The following SLC25A13 variants were observed in gnomAD, a reference collection of about 807,000 sequenced individuals.
The protein encoded by SLC25A13 is solute carrier family 25 member 13, also known as electrogenic aspartate/glutamate antiporter SLC25A13, mitochondrial.
In SLC25A13, 70 loss-of-function variants were observed where a neutral mutation model predicts 85.5. The ratio of observed to expected loss-of-function variants is 0.82; its 90% CI spans 0.68 to 1.00. SLC25A13 has a LOEUF of 1.00. SLC25A13 is among the 50% of genes least tolerant of loss of function. The pLI, the probability that SLC25A13 is intolerant of heterozygous loss-of-function variation, is 0.00. For synonymous variants in SLC25A13, 259 were observed against 288.7 expected, an observed-to-expected ratio of 0.90 and a Z score of 1.04; for missense variants, 765 against 819.8, an observed-to-expected ratio of 0.93 and a Z score of 0.82.
chr7:96,300,489 T>A (rs1255407062), intron 1 of SLC25A13, among the ~76,000 whole-genome samples: 1 of 152,258 alleles, frequency 6.6e-6, no homozygotes, highest in Non-Finnish European at 1.5e-5. Context: ...CTATTTGTAT[T>A]ATTTATCCAA....
At chr7:96,208,577 C>G (rs1397967351) in intron 5 of SLC25A13, among the ~76,000 whole-genome samples, 1 of 151,118 alleles carries the variant, frequency 6.6e-6, no homozygotes, top group African/African-American at 2.4e-5. Flanking sequence ...GCGATCTCAG[C>G]TCACTGCAAG....
intron 5 of SLC25A13, among the ~76,000 whole-genome samples, chr7:96,198,034 A>T (rs1210633906): frequency 6.6e-6 from 1 of 152,226 alleles, no homozygotes; most frequent in Non-Finnish European, 1.5e-5. Context: ...ATACGTGTTC[A>T]ACCATAGGCT....
In SLC25A13 at chr7:96,242,036, TG is replaced by T. The variant is rs1331631579; in HGVS notation, c.213-7120del. Among the ~76,000 whole-genome samples the T allele has an allele frequency of 6.6e-5, 10 of 152,350 alleles. No homozygotes were observed. In the East Asian group the frequency reaches 1.9e-3, roughly 29 times the overall value. ...TGTTCTGTTCATACTTCAGGAAGTT[TG>T]GTTGTAGACAATGTACCATCAAAAT... On this transcript the variant is annotated intron_variant, in intron 3 of 17. Coordinates refer to ENST00000265631, the MANE Select transcript of SLC25A13 (RefSeq NM_014251.3).
intron 1 of SLC25A13, 115 bp from the exon 2 acceptor site, chr7:96,297,066 T>A: frequency 2.1e-6 from 2 of 942,542 alleles, no homozygotes; most frequent in Non-Finnish European, 3.4e-6. Flanking sequence ...TTTTTGTACT[T>A]AAATACCATG....
intron 1 of SLC25A13, among the ~76,000 whole-genome samples, chr7:96,298,732 C>A (rs530945229): frequency 3.3e-5 from 5 of 152,140 alleles, no homozygotes; most frequent in Non-Finnish European, 7.3e-5. Flanking sequence ...TGTGCCCAGC[C>A]ATGAATTTTT....
chr7:96,310,654 A>C (rs1174246466), intron 1 of SLC25A13, among the ~76,000 whole-genome samples: 1 of 152,244 alleles, frequency 6.6e-6, no homozygotes, highest in Non-Finnish European at 1.5e-5. Flanking sequence ...ATCAATTATT[A>C]CTTGCAGGTG....
intron 3 of SLC25A13, among the ~76,000 whole-genome samples, chr7:96,241,103 A>AAAGAAAGAAAGG (rs1491256244): frequency 7.8e-5 from 11 of 140,640 alleles, no homozygotes; most frequent in African/African-American, 2.6e-4. Flanking sequence ...AGAAAGAAAG[A>AAAGAAAGAAAGG]AAGGCACTTT....
At chr7:96,295,491 T>C (rs1306939974) in intron 2 of SLC25A13, among the ~76,000 whole-genome samples, 1 of 152,214 alleles carries the variant, frequency 6.6e-6, no homozygotes, top group Non-Finnish European at 1.5e-5. Context: ...CAAAACTGGA[T>C]TATTTAAAAG....
chr7:96,215,395 C>T (rs754962185), intron 4 of SLC25A13, among the ~76,000 whole-genome samples: 2 of 152,052 alleles, frequency 1.3e-5, no homozygotes, highest in East Asian at 1.9e-4. Context: ...ACGCCTGGCA[C>T]GAATTTGGAT....
At chr7:96,121,810 A>G (rs770050064) in intron 16 of SLC25A13, 29 bp downstream of exon 16, 7 of 1,614,066 alleles carry the variant, frequency 4.3e-6, no homozygotes, top group Non-Finnish European at 5.9e-6. Context: ...GATACCAAAG[A>G]GTTAGTTAAG....
chr7:96,304,493 A>G (rs1002381307), intron 1 of SLC25A13, among the ~76,000 whole-genome samples: 1 of 152,218 alleles, frequency 6.6e-6, no homozygotes, highest in Admixed American at 6.5e-5. Context: ...ACAGTTAAGA[A>G]TGAATGGTGG....
At chr7:96,268,807 C>A (rs568361847) in intron 3 of SLC25A13, among the ~76,000 whole-genome samples, 28 of 152,310 alleles carry the variant, frequency 1.8e-4, no homozygotes, top group African/African-American at 4.8e-4. Context: ...CCATGCCCTG[C>A]ACTTCCATGC....
chr7:96,137,014 A>T (rs1275888298), intron 14 of SLC25A13, among the ~76,000 whole-genome samples: 1 of 152,130 alleles, frequency 6.6e-6, no homozygotes, highest in East Asian at 1.9e-4. Flanking sequence ...ATATATTTTG[A>T]TCCCAGAGCT....
Position 96,229,270 on chromosome 7 carries a change from G to C in SLC25A13, c.328+5532C>G, listed in dbSNP as rs560366982. ...ATCTAGCTAATCTGATGGGCACTTG[G>C]AGAACTTTTATGTCTAGCTAGAGGA... On this transcript the variant is annotated intron_variant, in intron 4 of 17. Transcript: ENST00000265631. Among the ~76,000 whole-genome samples the C allele has an allele frequency of 2.0e-5, 3 of 152,290 alleles. No homozygotes were observed. The East Asian group carries it at 5.8e-4, about 29-fold the overall frequency.
intron 4 of SLC25A13, among the ~76,000 whole-genome samples, chr7:96,220,660 T>C (rs1477435731): frequency 6.6e-6 from 1 of 152,184 alleles, no homozygotes; most frequent in Non-Finnish European, 1.5e-5. Context: ...AATAGTCAAA[T>C]TTTCCTAGGA....
At chr7:96,189,414 C>A (rs749618819) in intron 8 of SLC25A13, 36 bp from the exon 9 acceptor site, 1 of 1,582,464 alleles carries the variant, frequency 6.3e-7, no homozygotes, top group Non-Finnish European at 8.7e-7. Flanking sequence ...AACAAATATA[C>A]CAATTTATTA....
At chr7:96,318,823 G>C (rs1426981294) in intron 1 of SLC25A13, among the ~76,000 whole-genome samples, 1 of 152,182 alleles carries the variant, frequency 6.6e-6, no homozygotes, top group Non-Finnish European at 1.5e-5. Context: ...AGTGTAGTGA[G>C]TGTTGGAATT....
chr7:96,194,604 G>A (rs765324429), intron 5 of SLC25A13, among the ~76,000 whole-genome samples: 13 of 151,928 alleles, frequency 8.6e-5, no homozygotes, highest in Admixed American at 5.9e-4. Flanking sequence ...AAAAATAATT[G>A]TCCTTATGAA....
chr7:96,133,071 G>C lies in SLC25A13; in HGVS notation c.1453-1190C>G, dbSNP rs548791653. 2.6e-4 allele frequency among the ~76,000 whole-genome samples: 40 copies of C among 152,270 alleles called. No individual in the cohort carries two copies. In the East Asian group the frequency reaches 5.4e-3, roughly 21 times the overall value. ...TTGCCTCACACAAGTAACACAGGCA[G>C]GACATCAGATTTAATCCTATTAAGT... is the stretch of plus-strand genomic sequence containing the variant. On this transcript the variant is annotated intron_variant, in intron 14 of 17. Coordinates refer to ENST00000265631, the MANE Select transcript of SLC25A13 (RefSeq NM_014251.3).
Sources: allele counts gnomAD v4.1 joint callset (sites outside exome capture counted in the v4.1 genomes callset), GRCh38; gene constraint gnomAD v4.1.1; transcripts MANE v1.5; gene names NCBI Gene and HGNC (gene_info 2026-07-23, HGNC 2026-07-21).